Variants in PPP1R3F observed in about 807,000 individuals in gnomAD.
PPP1R3F encodes the protein protein phosphatase 1, regulatory (inhibitor) subunit 3F.
In PPP1R3F, 29 loss-of-function variants were observed where a neutral mutation model predicts 24.2. The observed-to-expected ratio is 1.20, with a 90% CI of 0.89 to 1.63. PPP1R3F has a LOEUF of 1.63. Ranked by LOEUF, PPP1R3F falls within the 40% of genes most tolerant of loss-of-function variation. PPP1R3F has a pLI of 0.00. For synonymous variants in PPP1R3F, 363 were observed against 340.1 expected (o/e 1.07, Z -0.74); for missense variants, 823 against 729.3 (o/e 1.13, Z -1.48).
chrX:49,280,242 T>TTGTTC (rs1370952525), intron 1 of PPP1R3F, among the ~76,000 whole-genome samples: 4 of 105,145 alleles, frequency 3.8e-5, no homozygotes, highest in Non-Finnish European at 7.6e-5. Flanking sequence ...TGTTTTTGTT[T>TTGTTC]TGTTTTGTTT....
At chrX:49,281,716 T>C (rs1184710981) in intron 2 of PPP1R3F, among the ~76,000 whole-genome samples, 4 of 108,608 alleles carry the variant, frequency 3.7e-5, no homozygotes, top group Non-Finnish European at 7.6e-5. Flanking sequence ...TAGTCCCTGC[T>C]ACTCGGGAGG....
rs1557121757 is a variant in PPP1R3F at position 49,286,975 on chromosome X, C to A, written c.2285C>A (p.Pro762His). 1 of 1,211,602 alleles carries A rather than the reference C, an allele frequency of 8.3e-7. No individual in the cohort carries two copies. Among genetic ancestry groups the A allele is most frequent in the South Asian group, 1.8e-5 (1 of 56,930 alleles). Reference protein sequence around the residue: ...VCALPPQLRGPLTQTLGVLAG... With the variant: ...VCALPPQLRGHLTQTLGVLAG... ...GCACTGCCTCCTCAGCTCCGGGGGC[C>A]CTTGACCCAGACTCTGGGGGTCCTG... Residue 762 changes from proline (P) to histidine (H), a missense_variant, in exon 4 of 4, where the codon CCC (proline) becomes CAC (histidine). Transcript: ENST00000055335.
chrX:49,297,671 G>A (rs782780561), intron 3 of PPP1R3F, among the ~76,000 whole-genome samples: 39 of 110,594 alleles, frequency 3.5e-4, no homozygotes, highest in Middle Eastern at 4.6e-3. Flanking sequence ...TATAAATCTG[G>A]GTGCTCCTGT....
At chrX:49,290,177 C>CGAGACTCCTGCACACAGGCTTGCA (rs1402205921), downstream of PPP1R3F, among the ~76,000 whole-genome samples, 8 of 111,776 alleles carry the variant, frequency 7.2e-5, no homozygotes, top group Non-Finnish European at 1.9e-5. Context: ...CATGAGTGTC[C>CGAGACTCCTGCACACAGGCTTGCA]GAGACTCCTG....
At position 49,269,938 on chromosome X, in the gene PPP1R3F, GC is replaced by G; in HGVS notation, c.73del (p.Arg25AlafsTer147). 1 of 905,713 alleles carries G rather than the reference GC, an allele frequency of 1.1e-6. No homozygotes were observed. Among genetic ancestry groups the G allele is most frequent in the South Asian group, 5.8e-5 (1 of 17,318 alleles). The allele number at this position is 905,713 out of a possible 1,213,427, so 74.6% of individuals were successfully genotyped here. On this transcript the variant is annotated frameshift_variant, in exon 1 of 4. Transcript: ENST00000055335. LOFTEE classifies it high-confidence loss of function. ...SAPPSPAAGEPRTSVEAAVAP... is the reference protein window; with the variant it reads ...SAPPSPAAGEXRTSVEAAVAP... ...CGCCCCCCTCGCCGGCCGCGGGTGA[GC>G]CCCGCACCTCGGTCGAGGCGGCGGT...
Position 49,272,914 on chromosome X carries a change from G to A in PPP1R3F, c.1004+2041G>A, listed in dbSNP as rs1470204575. 5 of 99,055 alleles carry A rather than the reference G, an allele frequency of 5.0e-5. No homozygotes were observed. In the Admixed American group the frequency reaches 5.6e-4, roughly 11 times the overall value. The allele number at this position is 99,055 out of a possible 1,213,427, so 8.2% of individuals were successfully genotyped here. On this transcript the variant is annotated intron_variant, in intron 1 of 3. Coordinates refer to ENST00000055335, the MANE Select transcript of PPP1R3F (RefSeq NM_033215.5). ...ACAGGGCCAGGGAAGAAATGCTAGGGACATTTATTTTTTTCTATTTTTTTT... is the reference window on the plus strand; with the variant it reads ...ACAGGGCCAGGGAAGAAATGCTAGGAACATTTATTTTTTTCTATTTTTTTT...
At chrX:49,290,524 C>G (rs1326441229), downstream of PPP1R3F, among the ~76,000 whole-genome samples, 1 of 111,296 alleles carries the variant, frequency 9.0e-6, no homozygotes, top group Admixed American at 9.5e-5. Flanking sequence ...GCAAGTCACC[C>G]GTCCTAGACC....
chrX:49,296,801 C>T (rs2066323868), intron 3 of PPP1R3F, among the ~76,000 whole-genome samples: 1 of 111,801 alleles, frequency 8.9e-6, no homozygotes, highest in East Asian at 2.8e-4. Context: ...GTAGGTTGTT[C>T]AGTTTCCATG....
downstream of PPP1R3F, among the ~76,000 whole-genome samples, chrX:49,288,737 C>G (rs2066300440): frequency 8.9e-6 from 1 of 111,911 alleles, no homozygotes; most frequent in Admixed American, 9.5e-5. Context: ...AATTGGTTAC[C>G]CGCATTGAAA....
intron 3 of PPP1R3F, among the ~76,000 whole-genome samples, chrX:49,293,995 AAAC>A (rs1341342935): frequency 1.8e-5 from 2 of 111,916 alleles, no homozygotes; most frequent in African/African-American, 3.2e-5. Context: ...CCCTGTCTCA[AAAC>A]AACAACAACA....
In PPP1R3F at chrX:49,270,450, A is replaced by G. The variant is rs1335598943; in HGVS notation, c.581A>G (p.His194Arg). The G allele has an allele frequency of 8.4e-7, 1 of 1,196,655 alleles. No individual in the cohort carries two copies. The highest frequency in any genetic ancestry group is 3.0e-5 in the East Asian group (1 of 33,560). Residue 194 changes from histidine to arginine, a missense_variant, in exon 1 of 4, where the codon CAC (histidine) becomes CGC (arginine). Coordinates refer to ENST00000055335, the MANE Select transcript of PPP1R3F (RefSeq NM_033215.5). ...SHDGWASFCD[H>R]PARYVPRSPP... The stretch of plus-strand genomic sequence containing the variant: ...GACGGCTGGGCTTCCTTTTGCGACC[A>G]CCCAGCGCGCTACGTCCCGCGCAGC...
At chrX:49,297,828 C>CTTTTTTTTTTTTTTT (rs61353822) in intron 3 of PPP1R3F, among the ~76,000 whole-genome samples, 50 of 19,615 alleles carry the variant, frequency 2.5e-3, no homozygotes, top group Admixed American at 5.2e-3. Flanking sequence ...GCAACCCCTG[C>CTTTTTTTTTTTTTTT]TTTTTTTTTT....
chrX:49,270,393 T>G lies in PPP1R3F; in HGVS notation c.524T>G (p.Phe175Cys). Residue 175 changes from phenylalanine to cysteine, a missense_variant, in exon 1 of 4, where the codon TTC (phenylalanine) becomes TGC (cysteine). By Grantham distance (205) the Phe-to-Cys change is radical (BLOSUM62 -2). Transcript: ENST00000055335. ...TTGGTACGCGTGCTGAACCGCTCCT[T>G]CGAGAAGGCGGTGCACGTGCGGGCC... ...RGLVRVLNRS[F>C]EKAVHVRASH... The G allele has an allele frequency of 8.6e-7, 1 of 1,167,869 alleles. No individual in the cohort carries two copies. The highest frequency in any genetic ancestry group is 1.1e-6 in the Non-Finnish European group (1 of 879,467).
downstream of PPP1R3F, among the ~76,000 whole-genome samples, chrX:49,288,845 A>G (rs1197253104): frequency 8.9e-6 from 1 of 112,354 alleles, no homozygotes; most frequent in Non-Finnish European, 1.9e-5. Flanking sequence ...CGCTTTAAGA[A>G]TACAATGAGG....
chrX:49,278,528 GA>G (rs1465277142), intron 1 of PPP1R3F, among the ~76,000 whole-genome samples: 1 of 112,312 alleles, frequency 8.9e-6, no homozygotes, highest in Non-Finnish European at 1.9e-5. Flanking sequence ...TGATGTGTGG[GA>G]GGTGGCAGCT....
chrX:49,284,645 G>A (rs2066270910), intron 3 of PPP1R3F, among the ~76,000 whole-genome samples: 1 of 108,207 alleles, frequency 9.2e-6, no homozygotes, highest in Non-Finnish European at 1.9e-5. Context: ...TTGAGTAGCT[G>A]GGATTACAGG....
chrX:49,281,532 C>T, intron 2 of PPP1R3F, 71 bp downstream of exon 2: 3 of 936,197 alleles, frequency 3.2e-6, no homozygotes, highest in Non-Finnish European at 4.5e-6. Context: ...GTTTTTCTTT[C>T]TATAAAAATG....
In PPP1R3F at chrX:49,285,943, C is replaced by G; in HGVS notation, c.1253C>G (p.Pro418Arg). Residue 418 changes from proline to arginine, a missense_variant, in exon 4 of 4, where the codon CCC (proline) becomes CGC (arginine). Transcript: ENST00000055335. ...EVLQAPAIRI[P>R]PSSPLCGLGG... ...CTCCAGGCACCGGCCATCAGGATTC[C>G]CCCCTCCTCCCCTCTCTGTGGCCTG... is the stretch of plus-strand genomic sequence containing the variant. The G allele has an allele frequency of 1.4e-5, 17 of 1,208,049 alleles. No individual in the cohort carries two copies. The highest frequency in any genetic ancestry group is 1.9e-5 in the Non-Finnish European group (17 of 893,156).
At chrX:49,277,988 C>T (rs1056254911) in intron 1 of PPP1R3F, among the ~76,000 whole-genome samples, 1 of 112,028 alleles carries the variant, frequency 8.9e-6, no homozygotes, top group Non-Finnish European at 1.9e-5. Flanking sequence ...TTGCTTCTGT[C>T]GATGTTGTGG....
Sources: gnomAD v4.1 joint callset for allele counts (sites outside exome capture counted in the v4.1 genomes callset) on GRCh38, gnomAD v4.1.1 for gene constraint, MANE v1.5 for transcripts, NCBI Gene and HGNC (gene_info 2026-07-23, HGNC 2026-07-21) for gene names.